ADAP2: variants seen among roughly 807,000 people sequenced by gnomAD.
ADAP2 encodes the protein ArfGAP with dual PH domains 2, also known as arf-GAP with dual PH domain-containing protein 2.
In ADAP2, 42 loss-of-function variants were observed where a neutral mutation model predicts 54.9. That is an observed-to-expected ratio of 0.77 (90% CI 0.60 to 0.99). The LOEUF (loss-of-function observed/expected upper bound fraction) is 0.99. Ranked by LOEUF, ADAP2 falls within the 50% of genes least tolerant of loss-of-function variation. ADAP2 has a pLI of 0.00. For missense variants in ADAP2, 429 were observed against 480.4 expected (o/e 0.89, Z 1.00); for synonymous variants, 177 against 180.1 (o/e 0.98, Z 0.14).
In ADAP2 at chr17:30,922,027, G is replaced by A. The variant is rs1316073001; in HGVS notation, c.13G>A (p.Glu5Lys). 7.8e-7 allele frequency: 1 copy of A among 1,277,632 alleles called. No individual in the cohort carries two copies. The highest frequency in any genetic ancestry group is 4.2e-5 in the Admixed American group (1 of 23,924). The allele number at this position is 1,277,632 out of a possible 1,614,324, so 79.1% of individuals were successfully genotyped here. A position where few individuals can be genotyped will look rare whatever the true frequency, so the allele number is the denominator to read the frequency against. Reference protein sequence around the residue: MGDRERNKKRLLELL... With the variant: MGDRKRNKKRLLELL... ...CGCCGGGCCGGCCATGGGCGATCGC[G>A]AGCGCAACAAGAAGCGGCTGCTGGA... Residue 5 changes from glutamate (E) to lysine (K), a missense_variant, in exon 1 of 11, where the codon GAG becomes AAG. Transcript: ENST00000330889.
At chr17:30,952,374 TTTTTG>T (rs1218316070) in intron 7 of ADAP2, among the ~76,000 whole-genome samples, 2 of 152,124 alleles carry the variant, frequency 1.3e-5, no homozygotes, top group South Asian at 2.1e-4. Flanking sequence ...TTTCTTTTCT[TTTTTG>T]TTTTGTTTTG....
intron 5 of ADAP2, among the ~76,000 whole-genome samples, chr17:30,942,278 T>C (rs1321112025): frequency 6.6e-6 from 1 of 152,172 alleles, no homozygotes; most frequent in Non-Finnish European, 1.5e-5. Flanking sequence ...AAATTAACAA[T>C]GAGATACAAT....
chr17:30,930,959 A>G (rs1326052247), intron 3 of ADAP2, among the ~76,000 whole-genome samples: 4 of 152,190 alleles, frequency 2.6e-5, no homozygotes, highest in Non-Finnish European at 5.9e-5. Context: ...GAGTATAACA[A>G]TAGAGGTCTA....
chr17:30,951,418 A>G (rs1476569637), intron 7 of ADAP2, among the ~76,000 whole-genome samples: 4 of 152,058 alleles, frequency 2.6e-5, no homozygotes, highest in Admixed American at 2.6e-4. Context: ...GTTTTCTCCA[A>G]ATGGAACAAT....
intron 6 of ADAP2, among the ~76,000 whole-genome samples, chr17:30,947,263 C>G (rs1912745452): frequency 6.6e-6 from 1 of 152,096 alleles, no homozygotes; most frequent in Non-Finnish European, 1.5e-5. Flanking sequence ...GGATTTGGCA[C>G]CAGGATCACC....
intron 1 of ADAP2, among the ~76,000 whole-genome samples, chr17:30,922,577 C>G (rs1394800755): frequency 1.3e-5 from 2 of 152,176 alleles, no homozygotes; most frequent in African/African-American, 4.8e-5. Flanking sequence ...AGACGCCCCC[C>G]GAAGGCCTCC....
intron 7 of ADAP2, among the ~76,000 whole-genome samples, chr17:30,951,902 G>A (rs1310345363): frequency 4.0e-5 from 6 of 148,978 alleles, no homozygotes; most frequent in African/African-American, 7.4e-5. Flanking sequence ...TGATCCACAC[G>A]CCTCGGCCTC....
intron 8 of ADAP2, 61 bp from the exon 9 acceptor site, chr17:30,954,417 C>G: frequency 6.7e-7 from 1 of 1,503,114 alleles, no homozygotes; most frequent in Non-Finnish European, 9.3e-7. Context: ...GGGCTGGCCC[C>G]TGACCTCTAT....
chr17:30,939,309 C>G (rs1262813891), intron 5 of ADAP2, among the ~76,000 whole-genome samples: 1 of 151,850 alleles, frequency 6.6e-6, no homozygotes, highest in Non-Finnish European at 1.5e-5. Flanking sequence ...ATAGAATGGG[C>G]TCCCTATGTT....
chr17:30,935,863 G>A (rs1055526206), intron 5 of ADAP2, among the ~76,000 whole-genome samples: 1 of 152,152 alleles, frequency 6.6e-6, no homozygotes, highest in South Asian at 2.1e-4. Flanking sequence ...GTCACATGGT[G>A]GAGGGCCTTG....
intron 6 of ADAP2, among the ~76,000 whole-genome samples, chr17:30,945,315 A>T (rs567387721): frequency 2.8e-4 from 43 of 152,308 alleles, no homozygotes; most frequent in African/African-American, 1.0e-3. Flanking sequence ...CCAGTTACAG[A>T]AGGGACTATG....
chr17:30,925,589 C>CT (rs1467940774), intron 2 of ADAP2, among the ~76,000 whole-genome samples: 1 of 144,608 alleles, frequency 6.9e-6, no homozygotes. Flanking sequence ...CTTTTCTTTT[C>CT]TTTCTTTCTT....
chr17:30,940,808 G>A (rs1912219813), intron 5 of ADAP2, among the ~76,000 whole-genome samples: 2 of 152,118 alleles, frequency 1.3e-5, no homozygotes, highest in Non-Finnish European at 2.9e-5. Context: ...CTGAAGCTTT[G>A]GCTAACTTTC....
intron 8 of ADAP2, 92 bp from the exon 9 acceptor site, chr17:30,954,386 C>T: frequency 2.8e-6 from 3 of 1,078,902 alleles, no homozygotes; most frequent in South Asian, 2.6e-5. Context: ...GTGGGACTGG[C>T]CAGCTCCTTT....
intron 3 of ADAP2, among the ~76,000 whole-genome samples, chr17:30,927,817 C>G (rs1019985106): frequency 5.9e-5 from 9 of 151,692 alleles, no homozygotes; most frequent in African/African-American, 2.4e-5. Context: ...GATAGGAGTT[C>G]AATGTCAGCC....
At chr17:30,927,076 A>G (rs1911111569) in intron 3 of ADAP2, among the ~76,000 whole-genome samples, 158 bp downstream of exon 3, 1 of 152,154 alleles carries the variant, frequency 6.6e-6, no homozygotes, top group African/African-American at 2.4e-5. Flanking sequence ...CAGAGAGCAC[A>G]TGGGAAGACT....
In ADAP2 at chr17:30,922,097, G is replaced by A. The variant is rs951795962; in HGVS notation, c.83G>A (p.Cys28Tyr). Reference sequence around the variant, plus strand: ...ACAGGCAACGCGCACTGCGCCGACTGCGGGGCGGCAGGTAAGGGCGCGGCG... The same window carrying A: ...ACAGGCAACGCGCACTGCGCCGACTACGGGGCGGCAGGTAAGGGCGCGGCG... Reference protein sequence around the residue: ...PDTGNAHCADCGAADPDWASY... With the variant: ...PDTGNAHCADYGAADPDWASY... Residue 28 changes from cysteine (C) to tyrosine (Y), a missense_variant, in exon 1 of 11, where the codon TGC becomes TAC. By Grantham distance (194) the Cys-to-Tyr change is radical (BLOSUM62 -2). Transcript: ENST00000330889. The A allele has an allele frequency of 1.5e-5, 19 of 1,250,806 alleles. No individual in the cohort carries two copies. Among genetic ancestry groups the A allele is most frequent in the Non-Finnish European group, 1.9e-5 (19 of 999,594 alleles). 77.5% of individuals were successfully genotyped at this position (1,250,806 alleles called of 1,614,324 possible). A position where few individuals can be genotyped will look rare whatever the true frequency, so the allele number is the denominator to read the frequency against.
intron 9 of ADAP2, 87 bp from the exon 10 acceptor site, chr17:30,956,154 C>T: frequency 7.9e-7 from 1 of 1,264,902 alleles, no homozygotes; most frequent in Non-Finnish European, 1.1e-6. Flanking sequence ...TACCCCTTTC[C>T]CAAAATAAAG....
chr17:30,944,837 C>T (rs1912535286), intron 5 of ADAP2, 70 bp from the exon 6 acceptor site: 4 of 1,466,504 alleles, frequency 2.7e-6, no homozygotes, highest in Non-Finnish European at 3.7e-6. Context: ...TGCATGAAGG[C>T]CTTGGTGAAG....
Sources: gnomAD v4.1 joint callset for allele counts (sites outside exome capture counted in the v4.1 genomes callset) on GRCh38, gnomAD v4.1.1 for gene constraint, MANE v1.5 for transcripts, NCBI Gene and HGNC (gene_info 2026-07-23, HGNC 2026-07-21) for gene names.